The following SAMD5 variants were observed in gnomAD, a reference collection of about 807,000 sequenced individuals.
The protein encoded by SAMD5 is sterile alpha motif domain containing 5.
A neutral mutation model predicts 11.3 loss-of-function variants in SAMD5; 13 were observed. That is an observed-to-expected ratio of 1.15 (90% CI 0.75 to 1.83). SAMD5 has a LOEUF of 1.83. SAMD5 is among the 40% of genes most tolerant of loss of function. The probability of loss-of-function intolerance (pLI) is 0.00; values close to 1 mark genes in which losing one functional copy is unlikely to be tolerated. For missense variants in SAMD5, 255 were observed against 239.1 expected, an observed-to-expected ratio of 1.07 and a Z score of -0.44; for synonymous variants, 129 against 111.3, an observed-to-expected ratio of 1.16 and a Z score of -1.00.
chr6:147,940,983 T>A, the SAMD5 span, among the ~76,000 whole-genome samples: 35 of 152,068 alleles, frequency 2.3e-4, no homozygotes, highest in African/African-American at 8.4e-4. Flanking sequence ...GATGTATGGT[T>A]AATTCAATTA....
the SAMD5 span, among the ~76,000 whole-genome samples, chr6:147,790,049 G>A: frequency 1.4e-4 from 21 of 152,272 alleles, no homozygotes; most frequent in African/African-American, 2.6e-4. Context: ...GAGAGTAGCC[G>A]TATGATCCAG....
chr6:147,794,879 G>A, the SAMD5 span, among the ~76,000 whole-genome samples: 133 of 151,538 alleles, frequency 8.8e-4, 1 homozygote, highest in African/African-American at 3.1e-3. Context: ...AAGCTTTGAC[G>A]GCGGTGAAGA....
the SAMD5 span, among the ~76,000 whole-genome samples, chr6:147,943,383 A>T: frequency 6.6e-6 from 1 of 152,148 alleles, no homozygotes; most frequent in East Asian, 1.9e-4. Flanking sequence ...TCAACCTTGC[A>T]CAACTCATTT....
At chr6:147,728,102 T>G (rs1278837855) in intron 1 of SAMD5, among the ~76,000 whole-genome samples, 1 of 152,144 alleles carries the variant, frequency 6.6e-6, no homozygotes, top group Non-Finnish European at 1.5e-5. Flanking sequence ...GGTCTAGTAC[T>G]GAGTATCCAG....
chr6:147,878,604 T>TATATA, the SAMD5 span, among the ~76,000 whole-genome samples: 1 of 146,608 alleles, frequency 6.8e-6, no homozygotes, highest in Non-Finnish European at 1.5e-5. Flanking sequence ...TACATATATA[T>TATATA]CTATATAGAT....
At chr6:147,819,581 C>T in the SAMD5 span, among the ~76,000 whole-genome samples, 9 of 152,280 alleles carry the variant, frequency 5.9e-5, no homozygotes, top group African/African-American at 2.2e-4. Flanking sequence ...TTTGCAAATT[C>T]CCAAGTGAGT....
intron 1 of SAMD5, among the ~76,000 whole-genome samples, chr6:147,575,914 C>G (rs1241162216): frequency 6.6e-6 from 1 of 152,094 alleles, no homozygotes; most frequent in Non-Finnish European, 1.5e-5. Flanking sequence ...CCTCATGGAA[C>G]AATATCAATT....
chr6:147,655,743 C>T (rs1222644704), intron 1 of SAMD5, among the ~76,000 whole-genome samples: 1 of 152,090 alleles, frequency 6.6e-6, no homozygotes, highest in Non-Finnish European at 1.5e-5. Context: ...TTGTAGTTTT[C>T]TAGTTACAAA....
Position 147,565,387 on chromosome 6 carries a change from G to C in SAMD5, c.*931G>C, listed in dbSNP as rs536742814. The C allele has an allele frequency of 2.0e-6, 2 of 985,400 alleles. No individual in the cohort carries two copies. Among genetic ancestry groups the C allele is most frequent in the South Asian group, 4.7e-5 (1 of 21,274 alleles). The allele number at this position is 985,400 out of a possible 1,614,324, so 61.0% of individuals were successfully genotyped here. A position where few individuals can be genotyped will look rare whatever the true frequency, so the allele number is the denominator to read the frequency against. ...GCTGAAAAAGAAAGTAGATTGAGGT[G>C]GGGGGAGGAAATTAACAGGAATCTA... On this transcript the variant is annotated 3_prime_UTR_variant, in exon 2 of 2. Coordinates refer to ENST00000367474, the MANE Select transcript of SAMD5 (RefSeq NM_001030060.3).
the SAMD5 span, among the ~76,000 whole-genome samples, chr6:147,830,234 T>C: frequency 2.8e-5 from 4 of 144,424 alleles, no homozygotes; most frequent in Non-Finnish European, 4.5e-5. Context: ...ATAAGCTTTT[T>C]CTTTCTTTCT....
At chr6:147,695,426 A>G (rs1461019441) in intron 1 of SAMD5, among the ~76,000 whole-genome samples, 1 of 152,184 alleles carries the variant, frequency 6.6e-6, no homozygotes, top group East Asian at 1.9e-4. Flanking sequence ...TTTAGGTGAT[A>G]CCATAGCTTT....
chr6:147,683,323 T>A (rs539519115), intron 1 of SAMD5, among the ~76,000 whole-genome samples: 1 of 152,334 alleles, frequency 6.6e-6, no homozygotes, highest in Admixed American at 6.5e-5. Flanking sequence ...CTAAGAGTGA[T>A]TTTTAAACTT....
chr6:147,814,894 G>A, the SAMD5 span, among the ~76,000 whole-genome samples: 199 of 152,228 alleles, frequency 1.3e-3, 1 homozygote, highest in African/African-American at 4.7e-3. Context: ...CAAATTTTGG[G>A]TATTCAAGGG....
At chr6:147,526,446 T>C (rs1196174974) in intron 1 of SAMD5, among the ~76,000 whole-genome samples, 1 of 152,188 alleles carries the variant, frequency 6.6e-6, no homozygotes, top group African/African-American at 2.4e-5. Flanking sequence ...TAGATATATA[T>C]GTAAGTAAAC....
chr6:147,622,374 G>GA (rs1320866079), intron 1 of SAMD5, among the ~76,000 whole-genome samples: 1 of 151,792 alleles, frequency 6.6e-6, no homozygotes, highest in Admixed American at 6.6e-5. Flanking sequence ...GTGGTTTTTT[G>GA]AAAAAATATT....
At chr6:147,570,750 TAGG>T (rs1157780748), downstream of SAMD5, among the ~76,000 whole-genome samples, 2 of 152,118 alleles carry the variant, frequency 1.3e-5, no homozygotes, top group South Asian at 2.1e-4. Flanking sequence ...TGGTAAATAT[TAGG>T]AGAAATATGT....
At chr6:147,739,496 G>T (rs1329935632), downstream of SAMD5, among the ~76,000 whole-genome samples, 1 of 152,140 alleles carries the variant, frequency 6.6e-6, no homozygotes, top group Non-Finnish European at 1.5e-5. Flanking sequence ...TGCTTGGGAA[G>T]CTGAGGTGGG....
chr6:147,851,137 T>G, the SAMD5 span, among the ~76,000 whole-genome samples: 1 of 151,808 alleles, frequency 6.6e-6, no homozygotes, highest in East Asian at 1.9e-4. Context: ...AGAGATGGGG[T>G]TTCGCCATGT....
the SAMD5 span, among the ~76,000 whole-genome samples, chr6:147,817,813 G>A: frequency 6.6e-6 from 1 of 152,110 alleles, no homozygotes; most frequent in Non-Finnish European, 1.5e-5. Context: ...AGTGACAGGA[G>A]CTAATTGTTT....
Sources: gnomAD v4.1 joint callset for allele counts (sites outside exome capture counted in the v4.1 genomes callset) on GRCh38, gnomAD v4.1.1 for gene constraint, MANE v1.5 for transcripts, NCBI Gene and HGNC (gene_info 2026-07-23, HGNC 2026-07-21) for gene names.